RSU1: variants seen among roughly 807,000 people sequenced by gnomAD.
RSU1 encodes the protein rsu-1.
In RSU1, 26 loss-of-function variants were observed where a neutral mutation model predicts 31.1. That is an observed-to-expected ratio of 0.84 (90% CI 0.61 to 1.16). The LOEUF (loss-of-function observed/expected upper bound fraction) is 1.16, where lower values mean the gene tolerates loss of function less well. Among genes scored for constraint, RSU1 ranks in the 50% most tolerant of loss-of-function variants. The probability of loss-of-function intolerance (pLI) is 0.00; values close to 1 mark genes in which losing one functional copy is unlikely to be tolerated. For synonymous variants in RSU1, 164 were observed against 136.3 expected, an observed-to-expected ratio of 1.20 and a Z score of -1.41; for missense variants, 320 against 339.1, an observed-to-expected ratio of 0.94 and a Z score of 0.44.
intron 7 of RSU1, among the ~76,000 whole-genome samples, chr10:16,730,681 C>G (rs1836490674): frequency 6.6e-6 from 1 of 152,174 alleles, no homozygotes; most frequent in East Asian, 1.9e-4. Context: ...CACCAACACA[C>G]TGGAGAAATT....
chr10:16,617,007 A>G (rs2131474015), intron 8 of RSU1, among the ~76,000 whole-genome samples: 1 of 152,362 alleles, frequency 6.6e-6, no homozygotes, highest in East Asian at 1.9e-4. Context: ...CAGGCAAGAG[A>G]AGGAAAGTAT....
intron 2 of RSU1, among the ~76,000 whole-genome samples, chr10:16,785,850 T>C (rs946580160): frequency 6.6e-6 from 1 of 152,194 alleles, no homozygotes; most frequent in African/African-American, 2.4e-5. Context: ...TTTTCCCCTC[T>C]TGTAATTAGT....
intron 7 of RSU1, among the ~76,000 whole-genome samples, chr10:16,709,165 G>T (rs4027773): frequency 0.68 from 101,752 of 149,868 alleles, 34,857 homozygotes; most frequent in East Asian, 0.89. Context: ...CCCACAACAG[G>T]CCCCAGAGTG....
At chr10:16,791,366 G>A (rs1286892563) in intron 2 of RSU1, among the ~76,000 whole-genome samples, 1 of 152,122 alleles carries the variant, frequency 6.6e-6, no homozygotes, top group Non-Finnish European at 1.5e-5. Flanking sequence ...AGGTGTGGTG[G>A]CTCATGCCTG....
Position 16,593,318 on chromosome 10 carries a change from T to C in RSU1, c.*76A>G, listed in dbSNP as rs765992710. ...GCCTCACACGCAGCATTGGGTTTAT[T>C]TGAGAGACAGGGCAAGAGAGAATGA... On this transcript the variant is annotated 3_prime_UTR_variant, in exon 9 of 9. Transcript: ENST00000345264. 2.5e-6 allele frequency: 4 copies of C among 1,602,692 alleles called. No homozygotes were observed. Among genetic ancestry groups the C allele is most frequent in the Non-Finnish European group, 3.4e-6 (4 of 1,173,734 alleles).
At chr10:16,804,964 T>A (rs183538117) in intron 2 of RSU1, among the ~76,000 whole-genome samples, 37 of 152,318 alleles carry the variant, frequency 2.4e-4, no homozygotes, top group Admixed American at 1.2e-3. Flanking sequence ...TGAACCCTGA[T>A]GTTAGCTATA....
intron 7 of RSU1, among the ~76,000 whole-genome samples, chr10:16,750,158 C>T (rs1836946314): frequency 6.6e-6 from 1 of 152,120 alleles, no homozygotes; most frequent in Non-Finnish European, 1.5e-5. Context: ...ATTATAATAG[C>T]TGTTACTGTA....
intron 8 of RSU1, among the ~76,000 whole-genome samples, chr10:16,682,246 G>A (rs1043326251): frequency 3.9e-5 from 6 of 152,154 alleles, no homozygotes; most frequent in African/African-American, 1.4e-4. Flanking sequence ...TCCATCTTGA[G>A]TGAGGGCTAG....
chr10:16,816,861 C>G lies in RSU1; in HGVS notation c.109+112G>C, dbSNP rs994512056. ...GCCCCTGACAAGTGAGGTTTACAAGCAGGGGCTGGGGTCTAAACCAGTACA... is the reference window on the plus strand; with the variant it reads ...GCCCCTGACAAGTGAGGTTTACAAGGAGGGGCTGGGGTCTAAACCAGTACA... On this transcript the variant is annotated intron_variant, in intron 2 of 8. Transcript: ENST00000345264. 10 of 732,246 alleles carry G rather than the reference C, an allele frequency of 1.4e-5. No individual in the cohort carries two copies. In the East Asian group the frequency reaches 1.5e-4, roughly 11 times the overall value. The allele number at this position is 732,246 out of a possible 1,614,324, so 45.4% of individuals were successfully genotyped here.
intron 8 of RSU1, among the ~76,000 whole-genome samples, chr10:16,607,486 T>C (rs1202948861): frequency 1.3e-5 from 2 of 152,198 alleles, no homozygotes; most frequent in Non-Finnish European, 2.9e-5. Context: ...TTGGGATTAA[T>C]CCACTAGCAG....
At chr10:16,809,282 G>A (rs532236108) in intron 2 of RSU1, among the ~76,000 whole-genome samples, 1 of 152,318 alleles carries the variant, frequency 6.6e-6, no homozygotes, top group East Asian at 1.9e-4. Flanking sequence ...ATGCAAGGCA[G>A]CTGTGAAACA....
chr10:16,799,849 G>A (rs1050952770), intron 2 of RSU1, among the ~76,000 whole-genome samples: 1 of 152,158 alleles, frequency 6.6e-6, no homozygotes, highest in African/African-American at 2.4e-5. Flanking sequence ...GCGGGGAGGG[G>A]ATGCGGGGAA....
intron 8 of RSU1, among the ~76,000 whole-genome samples, chr10:16,677,892 G>A (rs926738478): frequency 2.0e-5 from 3 of 151,928 alleles, no homozygotes; most frequent in Admixed American, 1.3e-4. Context: ...TTTCTATTGG[G>A]AATGCACAAG....
chr10:16,597,173 C>T (rs888905083), intron 8 of RSU1, among the ~76,000 whole-genome samples: 3 of 152,126 alleles, frequency 2.0e-5, no homozygotes, highest in Non-Finnish European at 4.4e-5. Context: ...TTGACAAGGC[C>T]CTGCTTCGAG....
chr10:16,721,445 A>G (rs914750012), intron 7 of RSU1: 2 of 152,254 alleles, frequency 1.3e-5, no homozygotes, highest in African/African-American at 2.4e-5. Flanking sequence ...TGACAGCATG[A>G]AAGCCACAAG....
intron 2 of RSU1, among the ~76,000 whole-genome samples, chr10:16,785,505 T>C (rs1239321884): frequency 1.5e-5 from 2 of 134,806 alleles, no homozygotes; most frequent in Admixed American, 7.4e-5. Flanking sequence ...TATATACACA[T>C]ATATACATAT....
intron 8 of RSU1, among the ~76,000 whole-genome samples, chr10:16,627,356 T>TTA (rs1333376826): frequency 2.0e-5 from 3 of 152,338 alleles, no homozygotes; most frequent in South Asian, 4.1e-4. Flanking sequence ...GTAGGTTATG[T>TTA]TAGCTACAAG....
At chr10:16,781,917 G>T in intron 3 of RSU1, 117 bp downstream of exon 3, 1 of 860,006 alleles carries the variant, frequency 1.2e-6, no homozygotes, top group Non-Finnish European at 1.9e-6. Context: ...AGTAAACTAA[G>T]GTTTCTGCAA....
intron 7 of RSU1, among the ~76,000 whole-genome samples, chr10:16,729,041 A>G (rs1836451969): frequency 6.6e-6 from 1 of 152,174 alleles, no homozygotes; most frequent in Non-Finnish European, 1.5e-5. Flanking sequence ...AGCAATAGGA[A>G]ACTAAGGCAC....
Sources: gnomAD v4.1 joint callset for allele counts (sites outside exome capture counted in the v4.1 genomes callset) on GRCh38, gnomAD v4.1.1 for gene constraint, MANE v1.5 for transcripts, NCBI Gene and HGNC (gene_info 2026-07-23, HGNC 2026-07-21) for gene names.